The following UBXN2A variants were observed in gnomAD, a reference collection of about 807,000 sequenced individuals.
UBXN2A encodes the protein UBX domain-containing protein 2A.
A neutral mutation model predicts 28.4 loss-of-function variants in UBXN2A; 28 were observed. The ratio of observed to expected loss-of-function variants is 0.99; its 90% confidence interval spans 0.73 to 1.35. The LOEUF is 1.35. Ranked by LOEUF, UBXN2A falls within the 40% of genes most tolerant of loss-of-function variation. UBXN2A has a pLI of 0.00. For missense variants in UBXN2A, 253 were observed against 297.9 expected (o/e 0.85, Z 1.11); for synonymous variants, 97 against 103.6 (o/e 0.94, Z 0.39).
At chr2:23,980,012 A>G (rs1444460488) in intron 4 of UBXN2A, among the ~76,000 whole-genome samples, 3 of 152,060 alleles carry the variant, frequency 2.0e-5, no homozygotes, top group African/African-American at 7.2e-5. Flanking sequence ...AAGTATTTTT[A>G]ATATGTCTAC....
intron 1 of UBXN2A, chr2:23,944,425 TC>T: frequency 9.7e-7 from 1 of 1,029,190 alleles, no homozygotes; most frequent in Non-Finnish European, 1.5e-6. Flanking sequence ...CAGTCTTATC[TC>T]CACCCTGGGA....
chr2:23,981,288 G>A lies in UBXN2A; in HGVS notation c.288-1608G>A, dbSNP rs1352378284. On this transcript the variant is annotated intron_variant, in intron 4 of 6. Transcript: ENST00000309033. ...ATTAAACCAGTCCGGCCAACATAGC[G>A]AGAACCTGTCTCTACAAAAAAAAAA... Among the ~76,000 whole-genome samples the A allele has an allele frequency of 2.1e-4, 28 of 130,696 alleles. 1 individual carries two copies. The highest frequency in any genetic ancestry group is 1.0e-3 in the South Asian group (4 of 4,004). The allele number at this position is 130,696 out of a possible 152,430, so 85.7% of individuals were successfully genotyped here. A position where few individuals can be genotyped will look rare whatever the true frequency, so the allele number is the denominator to read the frequency against.
chr2:23,983,554 T>G (rs1162300064), intron 5 of UBXN2A, among the ~76,000 whole-genome samples: 1 of 152,126 alleles, frequency 6.6e-6, no homozygotes, highest in Non-Finnish European at 1.5e-5. Flanking sequence ...ATGCAGGCTT[T>G]TTTGTTTTTC....
At chr2:23,993,936 G>A (rs776161384) in intron 6 of UBXN2A, among the ~76,000 whole-genome samples, 22 of 151,802 alleles carry the variant, frequency 1.4e-4, no homozygotes, top group Non-Finnish European at 2.9e-4. Context: ...GGTCCGCCTC[G>A]GCTTCCCAAA....
chr2:23,989,443 G>C (rs916723289), intron 6 of UBXN2A, among the ~76,000 whole-genome samples: 4 of 151,398 alleles, frequency 2.6e-5, no homozygotes, highest in African/African-American at 9.7e-5. Flanking sequence ...AATAGAGAGG[G>C]GGTTTCACCC....
chr2:23,944,930 T>C (rs1031230407), intron 1 of UBXN2A, among the ~76,000 whole-genome samples: 1 of 152,188 alleles, frequency 6.6e-6, no homozygotes, highest in African/African-American at 2.4e-5. Context: ...GGAGAAAATA[T>C]ATAGCTTTTG....
At chr2:23,969,310 G>A (rs1346209301) in intron 2 of UBXN2A, among the ~76,000 whole-genome samples, 1 of 152,192 alleles carries the variant, frequency 6.6e-6, no homozygotes, top group Non-Finnish European at 1.5e-5. Flanking sequence ...ACAGACACGG[G>A]AGGATTGCTT....
intron 1 of UBXN2A, among the ~76,000 whole-genome samples, chr2:23,950,162 C>G (rs1308479561): frequency 1.3e-5 from 2 of 152,008 alleles, no homozygotes; most frequent in Admixed American, 1.3e-4. Context: ...AGCAATATCA[C>G]ACAATATGAT....
chr2:23,979,549 G>A (rs543574291), intron 4 of UBXN2A, among the ~76,000 whole-genome samples: 4 of 152,002 alleles, frequency 2.6e-5, no homozygotes, highest in East Asian at 1.9e-4. Flanking sequence ...ACAGTGCCCC[G>A]TAATTTTTAT....
intron 6 of UBXN2A, among the ~76,000 whole-genome samples, chr2:23,993,882 GTTTCACCA>G (rs1056016020): frequency 1.3e-5 from 2 of 151,708 alleles, no homozygotes; most frequent in African/African-American, 2.4e-5. Context: ...TAGAGACAGG[GTTTCACCA>G]TGTTGGCCAG....
chr2:24,001,840 A>G lies in UBXN2A; in HGVS notation c.*1973A>G, dbSNP rs1451296464. ...GCTGGGTGTGGTGGCATGCGCCTGT[A>G]GTCCCAGCTACGTGGGAGGCTGAGG... On this transcript the variant is annotated 3_prime_UTR_variant, in exon 7 of 7. Coordinates refer to ENST00000309033, the MANE Select transcript of UBXN2A (RefSeq NM_181713.4). 3.3e-5 allele frequency: 5 copies of G among 152,070 alleles called. No homozygotes were observed. Among genetic ancestry groups the G allele is most frequent in the African/African-American group, 9.7e-5 (4 of 41,388 alleles). 9.4% of individuals were successfully genotyped at this position (152,070 alleles called of 1,614,324 possible). A position where few individuals can be genotyped will look rare whatever the true frequency, so the allele number is the denominator to read the frequency against.
At chr2:23,942,100 T>C (rs1705789581) in intron 1 of UBXN2A, among the ~76,000 whole-genome samples, 1 of 151,864 alleles carries the variant, frequency 6.6e-6, no homozygotes, top group Non-Finnish European at 1.5e-5. Context: ...ATAAAATAAA[T>C]AATCACACAA....
chr2:23,944,259 C>A (rs1033159609), intron 1 of UBXN2A: 2 of 1,604,516 alleles, frequency 1.2e-6, no homozygotes, highest in Non-Finnish European at 1.7e-6. Context: ...GATGTGGGAC[C>A]TAGGAAAAGG....
At chr2:23,991,436 C>CATATAT (rs112419400) in intron 6 of UBXN2A, among the ~76,000 whole-genome samples, 2 of 150,172 alleles carry the variant, frequency 1.3e-5, no homozygotes, top group East Asian at 3.9e-4. Flanking sequence ...CACACATATA[C>CATATAT]ATATATATAT....
At chr2:23,937,478 A>G (rs1705564280), upstream of UBXN2A, among the ~76,000 whole-genome samples, 1 of 152,186 alleles carries the variant, frequency 6.6e-6, no homozygotes, top group African/African-American at 2.4e-5. Flanking sequence ...TGATCCCAGG[A>G]GTTCGATATC....
At chr2:23,996,222 A>G (rs1708526879) in intron 6 of UBXN2A, among the ~76,000 whole-genome samples, 1 of 151,428 alleles carries the variant, frequency 6.6e-6, no homozygotes, top group Non-Finnish European at 1.5e-5. Flanking sequence ...GCGTGCCACC[A>G]TGCTTGGCTA....
At chr2:23,949,650 G>C (rs890075677) in intron 1 of UBXN2A, among the ~76,000 whole-genome samples, 1 of 152,012 alleles carries the variant, frequency 6.6e-6, no homozygotes, top group Non-Finnish European at 1.5e-5. Context: ...CAAGGCAGGA[G>C]GATCACCTGA....
At chr2:23,927,737 G>C (rs1705125170) in intron 1 of UBXN2A, 1 of 151,906 alleles carries the variant, frequency 6.6e-6, no homozygotes, top group East Asian at 1.9e-4. Flanking sequence ...CAAAGAATGA[G>C]TACCCTGTAA....
rs966121477 is a variant in UBXN2A, at chr2:23,940,503, C to G, written c.-160C>G. The G allele has an allele frequency of 6.6e-6, 1 of 151,260 alleles. No homozygotes were observed. The highest frequency in any genetic ancestry group is 1.9e-4 in the East Asian group (1 of 5,180). 9.4% of individuals were successfully genotyped at this position (151,260 alleles called of 1,614,324 possible). A position where few individuals can be genotyped will look rare whatever the true frequency, so the allele number is the denominator to read the frequency against. On this transcript the variant is annotated 5_prime_UTR_variant, in exon 1 of 7. It adds an upstream start codon to the 5' untranslated region. Coordinates refer to ENST00000309033, the MANE Select transcript of UBXN2A (RefSeq NM_181713.4). ...GAAGACCGAGAGAGGCTGGCGGGAT[C>G]TCAGCGGCGCGGCCGCGGAACCTGA...
Sources: allele counts gnomAD v4.1 joint callset (sites outside exome capture counted in the v4.1 genomes callset), GRCh38; gene constraint gnomAD v4.1.1; transcripts MANE v1.5; gene names NCBI Gene and HGNC (gene_info 2026-07-23, HGNC 2026-07-21).